FGGY: variants seen among roughly 807,000 people sequenced by gnomAD.
FGGY encodes the protein FGGY carbohydrate kinase domain-containing protein.
In FGGY, 72 loss-of-function variants were observed where a neutral mutation model predicts 71.3. The observed-to-expected ratio is 1.01, with a 90% CI of 0.84 to 1.23. The LOEUF is 1.23. Ranked by LOEUF, FGGY falls within the 50% of genes most tolerant of loss-of-function variation. FGGY has a pLI of 0.00. For missense variants in FGGY, 668 were observed against 682.3 expected (o/e 0.98, Z 0.23); for synonymous variants, 251 against 250.3 (o/e 1.00, Z -0.02).
chr1:59,426,163 A>G (rs1253703190), intron 5 of FGGY, among the ~76,000 whole-genome samples: 1 of 152,122 alleles, frequency 6.6e-6, no homozygotes, highest in Non-Finnish European at 1.5e-5. Flanking sequence ...AGCTTCCAGC[A>G]CCACCACCTC....
At chr1:59,321,831 T>C (rs2046447853) in intron 2 of FGGY, 81 bp downstream of exon 2, 1 of 1,426,090 alleles carries the variant, frequency 7.0e-7, no homozygotes, top group African/African-American at 1.4e-5. Flanking sequence ...CCGTAAACAA[T>C]GTTGGGGTAA....
intron 5 of FGGY, among the ~76,000 whole-genome samples, chr1:59,414,612 G>A (rs1241781277): frequency 6.6e-6 from 1 of 152,188 alleles, no homozygotes; most frequent in East Asian, 1.9e-4. Flanking sequence ...AATCCGAGAA[G>A]AGTGGACAAG....
At chr1:59,634,324 T>C (rs1018016230) in intron 10 of FGGY, among the ~76,000 whole-genome samples, 2 of 152,002 alleles carry the variant, frequency 1.3e-5, no homozygotes, top group South Asian at 4.2e-4. Context: ...GGAGAATCAC[T>C]TGAACCCAGG....
At chr1:59,467,736 G>A (rs2092716782) in intron 6 of FGGY, among the ~76,000 whole-genome samples, 1 of 152,044 alleles carries the variant, frequency 6.6e-6, no homozygotes, top group Admixed American at 6.5e-5. Flanking sequence ...CCATCCCTAT[G>A]AGACTGTACT....
intron 7 of FGGY, among the ~76,000 whole-genome samples, chr1:59,521,038 G>GA (rs970345617): frequency 1.4e-5 from 2 of 145,812 alleles, no homozygotes; most frequent in African/African-American, 2.5e-5. Flanking sequence ...ATTGGGGGTG[G>GA]GGGGGGATTA....
rs550077911 is a variant in FGGY, at chr1:59,554,154, G to T, written c.830G>T (p.Gly277Val). 25 of 1,613,138 alleles carry T rather than the reference G, an allele frequency of 1.5e-5. No individual in the cohort carries two copies. In the South Asian group the frequency reaches 1.9e-4, roughly 12 times the overall value. ...ATTGGGGCAGATGTGAGAGGGCACG[G>T]CCTCATCTGTGAGGGGCAGCCAGTG... ...GVIGADVRGHGLICEGQPVTS... is the reference protein window; with the variant it reads ...GVIGADVRGHVLICEGQPVTS... Residue 277 changes from glycine (G) to valine (V), a missense_variant, in exon 8 of 16, where the codon GGC (glycine) becomes GTC (valine). Gly to Val is a moderately radical substitution (Grantham distance 109, BLOSUM62 -3). Transcript: ENST00000303721.
chr1:59,392,348 G>A (rs1042576031), intron 5 of FGGY, among the ~76,000 whole-genome samples: 3 of 152,256 alleles, frequency 2.0e-5, no homozygotes, highest in Admixed American at 6.5e-5. Context: ...AAGGCTTGGC[G>A]GTTTTCAGGA....
At chr1:59,644,339 T>C (rs149576001) in intron 11 of FGGY, among the ~76,000 whole-genome samples, 113 of 152,320 alleles carry the variant, frequency 7.4e-4, no homozygotes, top group Non-Finnish European at 1.4e-3. Flanking sequence ...TCCTATCATG[T>C]GACTAGCTGT....
At chr1:59,695,534 G>T (rs2097649880) in intron 14 of FGGY, among the ~76,000 whole-genome samples, 1 of 152,220 alleles carries the variant, frequency 6.6e-6, no homozygotes, top group South Asian at 2.1e-4. Flanking sequence ...TACTCAATGA[G>T]TCAGGCACTG....
chr1:59,296,526 C>T (rs910768554), upstream of FGGY: 1 of 152,434 alleles, frequency 6.6e-6, no homozygotes, highest in Non-Finnish European at 1.5e-5. Flanking sequence ...TGGGTCCGCG[C>T]TCCTCCCGCC....
rs1381701700 is a variant in FGGY at position 59,641,331 on chromosome 1, A to G, written c.1221+2956A>G. 4 of 1,603,060 alleles carry G rather than the reference A, an allele frequency of 2.5e-6. No individual in the cohort carries two copies. Among genetic ancestry groups the G allele is most frequent in the Middle Eastern group, 1.7e-4 (1 of 5,990 alleles). On this transcript the variant is annotated intron_variant, in intron 11 of 15. Coordinates refer to ENST00000303721, the MANE Select transcript of FGGY (RefSeq NM_018291.5). ...GGCTTTGGCAGCGTTGCACTCTCCCAGTTCTCTACTCTCCCCTCAGGTGAC... is the reference window on the plus strand; with the variant it reads ...GGCTTTGGCAGCGTTGCACTCTCCCGGTTCTCTACTCTCCCCTCAGGTGAC...
chr1:59,736,019 C>A (rs1432417161), intron 14 of FGGY, among the ~76,000 whole-genome samples: 5 of 152,114 alleles, frequency 3.3e-5, no homozygotes, highest in Admixed American at 6.6e-5. Context: ...ATCATGGGGG[C>A]AGGTCTTTCC....
chr1:59,490,994 G>T lies in FGGY; in HGVS notation c.671-21317G>T, dbSNP rs12061985. On this transcript the variant is annotated intron_variant, in intron 6 of 15. Transcript: ENST00000303721. ...CTCCAGCCTGCTTGCTTGCTTGCTT[G>T]CTTCCTTTCCTTTCCTTTCCTTTCC... Among the ~76,000 whole-genome samples, 34 of 41,186 alleles carry T rather than the reference G, an allele frequency of 8.3e-4. 2 individuals carry two copies. Among genetic ancestry groups the T allele is most frequent in the African/African-American group, 3.0e-3 (23 of 7,730 alleles). The allele number at this position is 41,186 out of a possible 152,430, so 27.0% of individuals were successfully genotyped here. A position where few individuals can be genotyped will look rare whatever the true frequency, so the allele number is the denominator to read the frequency against.
chr1:59,417,011 T>G (rs2064564726), intron 5 of FGGY, among the ~76,000 whole-genome samples: 2 of 152,208 alleles, frequency 1.3e-5, no homozygotes, highest in Non-Finnish European at 2.9e-5. Flanking sequence ...GTATACAGTA[T>G]AGTATTTCTA....
intron 7 of FGGY, among the ~76,000 whole-genome samples, chr1:59,551,132 T>G (rs2153701490): frequency 6.6e-6 from 1 of 152,312 alleles, no homozygotes; most frequent in South Asian, 2.1e-4. Context: ...GTGATGGTAG[T>G]GATGATGGTG....
At position 59,660,279 on chromosome 1, in the gene FGGY, G is replaced by A; in HGVS notation, c.1282G>A (p.Val428Ile). Residue 428 changes from valine (V) to isoleucine (I), a missense_variant, in exon 12 of 16, where the codon GTT becomes ATT. Coordinates refer to ENST00000303721, the MANE Select transcript of FGGY (RefSeq NM_018291.5). ...DDLAILYLAT[V>I]QAIALGTRFI... ...TCTTGCCATTCTCTACCTGGCCACA[G>A]TTCAAGCCATTGCTGTAAGATACTG... 1 of 1,613,152 alleles carries A rather than the reference G, an allele frequency of 6.2e-7. No individual in the cohort carries two copies. The highest frequency in any genetic ancestry group is 8.5e-7 in the Non-Finnish European group (1 of 1,179,946).
At position 59,378,789 on chromosome 1, in the gene FGGY, T is replaced by A; in HGVS notation, c.506T>A (p.Phe169Tyr). 1 of 1,613,636 alleles carries A rather than the reference T, an allele frequency of 6.2e-7. No individual in the cohort carries two copies. The highest frequency in any genetic ancestry group is 8.5e-7 in the Non-Finnish European group (1 of 1,179,688). Reference protein sequence around the residue: ...EICWDKAGHFFDLPDFLSWKA... With the variant: ...EICWDKAGHFYDLPDFLSWKA... ...TGCTGGGATAAGGCGGGACATTTCT[T>A]TGATCTCCCGGACTTCTTATCGTGG... is the stretch of plus-strand genomic sequence containing the variant. Residue 169 changes from phenylalanine to tyrosine, a missense_variant, in exon 5 of 16, where the codon TTT becomes TAT. Around this residue, in one of 2 missense-constraint regions of FGGY, gnomAD observed 661 missense variants for 661.6 expected, o/e 1.00. Transcript: ENST00000303721.
chr1:59,334,820 C>T (rs1439771270), intron 2 of FGGY, among the ~76,000 whole-genome samples: 1 of 151,946 alleles, frequency 6.6e-6, no homozygotes, highest in Non-Finnish European at 1.5e-5. Flanking sequence ...AAACTGGTCG[C>T]TCATGCTTTT....
intron 14 of FGGY, among the ~76,000 whole-genome samples, chr1:59,701,164 G>T (rs1205396183): frequency 6.6e-6 from 1 of 152,144 alleles, no homozygotes; most frequent in Non-Finnish European, 1.5e-5. Context: ...CCTAAGAAAG[G>T]TTATACCCTG....
Sources: gnomAD v4.1 joint callset for allele counts (sites outside exome capture counted in the v4.1 genomes callset) on GRCh38, gnomAD v4.1.1 for gene constraint, gnomAD v4.1.1 regional missense constraint, MANE v1.5 for transcripts, NCBI Gene and HGNC (gene_info 2026-07-23, HGNC 2026-07-21) for gene names.